The following PHACTR2 variants were observed in gnomAD, a reference collection of about 807,000 sequenced individuals.
PHACTR2 encodes phosphatase and actin regulator 2.
PHACTR2 carries 30 observed loss-of-function variants against 76.0 expected under a neutral mutation model. The ratio of observed to expected loss-of-function variants is 0.39; its 90% CI spans 0.30 to 0.54. The LOEUF (loss-of-function observed/expected upper bound fraction) is 0.54. Ranked by LOEUF, PHACTR2 falls within the 20% of genes least tolerant of loss-of-function variation. The pLI is 0.61. For missense variants in PHACTR2, 696 were observed against 781.1 expected (o/e 0.89, Z 1.30); for synonymous variants, 292 against 292.5 (o/e 1.00, Z 0.02).
At chr6:143,691,051 T>G (rs992500415) in intron 1 of PHACTR2, among the ~76,000 whole-genome samples, 2 of 152,176 alleles carry the variant, frequency 1.3e-5, no homozygotes, top group Non-Finnish European at 2.9e-5. Flanking sequence ...GGTCCCATAT[T>G]ATAGGTCAGC....
At chr6:143,788,625 T>A (rs1000479482) in intron 10 of PHACTR2, 148 bp from the exon 11 acceptor site, 5 of 519,120 alleles carry the variant, frequency 9.6e-6, no homozygotes, top group Non-Finnish European at 1.6e-5. Flanking sequence ...CATTAGAAAT[T>A]CCCAAGATGC....
At chr6:143,745,343 G>A (rs752600945) in intron 2 of PHACTR2, among the ~76,000 whole-genome samples, 1 of 152,212 alleles carries the variant, frequency 6.6e-6, no homozygotes, top group Admixed American at 6.5e-5. Flanking sequence ...AGAAGTTACA[G>A]GGAGTGCGAT....
In PHACTR2 at chr6:143,709,981, TG is replaced by T. The variant is rs1778137144; in HGVS notation, c.47-2034del. On this transcript the variant is annotated intron_variant, in intron 1 of 12. Coordinates refer to ENST00000440869, the MANE Select transcript of PHACTR2 (RefSeq NM_001100164.2). This position sits in a 1 kb window ranked among gnomAD's most constrained non-coding sequence, Gnocchi z 4.4. The stretch of plus-strand genomic sequence containing the variant: ...ATTAGGGGTCCTTTTCAGAGCCTCA[TG>T]AGGGTGGAAATCTAGTAACTCCATT... Among the ~76,000 whole-genome samples the T allele has an allele frequency of 1.3e-5, 2 of 152,112 alleles. No individual in the cohort carries two copies. The highest frequency in any genetic ancestry group is 2.9e-5 in the Non-Finnish European group (2 of 68,018).
At chr6:143,725,198 CTTTTTT>C (rs59963214) in intron 2 of PHACTR2, among the ~76,000 whole-genome samples, 7 of 61,800 alleles carry the variant, frequency 1.1e-4, no homozygotes, top group Admixed American at 8.3e-4. Flanking sequence ...TTTGTGCTGT[CTTTTTT>C]TTTTTTTTTT....
chr6:143,725,487 A>C (rs1400412927), intron 2 of PHACTR2, among the ~76,000 whole-genome samples: 1 of 78,524 alleles, frequency 1.3e-5, no homozygotes, highest in African/African-American at 7.4e-5. Flanking sequence ...GGCGTGAGCC[A>C]CCGCGCCCGG....
intron 1 of PHACTR2, among the ~76,000 whole-genome samples, chr6:143,650,957 A>T (rs1223921082): frequency 6.6e-6 from 1 of 152,202 alleles, no homozygotes; most frequent in African/African-American, 2.4e-5. Context: ...AATATCCAGC[A>T]TCTATTAATA....
In PHACTR2 at chr6:143,809,127, G is replaced by T. The variant is rs1406728852; in HGVS notation, c.1922+1994G>T. 6.6e-6 allele frequency among the ~76,000 whole-genome samples: 1 copy of T among 152,138 alleles called. No individual in the cohort carries two copies. The highest frequency in any genetic ancestry group is 2.4e-5 in the African/African-American group (1 of 41,420). Reference sequence around the variant, plus strand: ...TTCTGCATAGTTTTCCTAGAAGTTGGAGTATCTGATAGCCTTATCTTCATT... The same window carrying T: ...TTCTGCATAGTTTTCCTAGAAGTTGTAGTATCTGATAGCCTTATCTTCATT... On this transcript the variant is annotated intron_variant, in intron 12 of 12. Coordinates refer to ENST00000440869, the MANE Select transcript of PHACTR2 (RefSeq NM_001100164.2). The surrounding 1 kb of genome is among the most constrained non-coding windows in gnomAD (Gnocchi z 4.2).
At position 143,750,088 on chromosome 6, in the gene PHACTR2, A is replaced by G. The variant is rs1262103436; in HGVS notation, c.295+1023A>G. Reference sequence around the variant, plus strand: ...TCAAAATGACATGCTTTTTTCCAGCATCTGAATAATTCCAGAGTGGAGCTG... The same window carrying G: ...TCAAAATGACATGCTTTTTTCCAGCGTCTGAATAATTCCAGAGTGGAGCTG... On this transcript the variant is annotated intron_variant, in intron 3 of 12. Transcript: ENST00000440869. This position sits in a 1 kb window ranked among gnomAD's most constrained non-coding sequence, Gnocchi z 4.6. Among the ~76,000 whole-genome samples, 4 of 152,168 alleles carry G rather than the reference A, an allele frequency of 2.6e-5. No homozygotes were observed. The highest frequency in any genetic ancestry group is 4.4e-5 in the Non-Finnish European group (3 of 68,020).
intron 1 of PHACTR2, among the ~76,000 whole-genome samples, chr6:143,640,939 G>A (rs1023924312): frequency 6.6e-6 from 1 of 152,188 alleles, no homozygotes; most frequent in African/African-American, 2.4e-5. Flanking sequence ...TAGACACACA[G>A]AAGAGAAGGC....
In PHACTR2 at chr6:143,648,546, C is replaced by T. The variant is rs9376774; in HGVS notation, c.13+40224C>T. Among the ~76,000 whole-genome samples, 64,706 of 151,840 alleles carry T rather than the reference C, an allele frequency of 0.43. 13,899 individuals are homozygous for T. The highest frequency in any genetic ancestry group is 0.55 in the South Asian group (2,643 of 4,796). On this transcript the variant is annotated intron_variant, in intron 1 of 11. Coordinates refer to the PHACTR2 transcript ENST00000305766. The surrounding 1 kb of genome is among the most constrained non-coding windows in gnomAD (Gnocchi z 6.7). Reference sequence around the variant, plus strand: ...GGTTGAGTCAGGTAAGACAGAGAAGCTTGCTAAGGTGGAGTGGAAGGAAAT... The same window carrying T: ...GGTTGAGTCAGGTAAGACAGAGAAGTTTGCTAAGGTGGAGTGGAAGGAAAT...
At chr6:143,572,165 T>C (rs181476699) in intron 1 of PHACTR2, among the ~76,000 whole-genome samples, 1 of 152,356 alleles carries the variant, frequency 6.6e-6, no homozygotes, top group African/African-American at 2.4e-5. Flanking sequence ...GACTTTGTTT[T>C]TTGCTAAGAA....
chr6:143,639,720 CACA>C lies in PHACTR2; in HGVS notation c.13+31403_13+31405del, dbSNP rs912407665. On this transcript the variant is annotated intron_variant, in intron 1 of 11. Coordinates refer to the PHACTR2 transcript ENST00000305766. The surrounding 1 kb of genome is among the most constrained non-coding windows in gnomAD (Gnocchi z 5.0). Reference sequence around the variant, plus strand: ...GATGTAATTGATCAAGAACTCTGCACACAACAAGTAGATATTCATTCCTCTTAG... The same window carrying C: ...GATGTAATTGATCAAGAACTCTGCACACAAGTAGATATTCATTCCTCTTAG... Among the ~76,000 whole-genome samples, 61 of 152,232 alleles carry C rather than the reference CACA, an allele frequency of 4.0e-4. No homozygotes were observed. Among genetic ancestry groups the C allele is most frequent in the African/African-American group, 1.4e-3 (58 of 41,514 alleles).
rs1341263360 is a variant in PHACTR2 at position 143,659,815 on chromosome 6, A to G, written c.13+51493A>G. 6.6e-6 allele frequency among the ~76,000 whole-genome samples: 1 copy of G among 152,222 alleles called. No homozygotes were observed. Among genetic ancestry groups the G allele is most frequent in the African/African-American group, 2.4e-5 (1 of 41,454 alleles). On this transcript the variant is annotated intron_variant, in intron 1 of 11. Transcript: ENST00000305766. This position sits in a 1 kb window ranked among gnomAD's most constrained non-coding sequence, Gnocchi z 5.0. ...ACTAGAACTCCCTTCCAGTTTGTTC[A>G]TCCATACACAGTGATTTGTCAGGTA...
chr6:143,601,870 G>A (rs1466623409), intron 1 of PHACTR2, among the ~76,000 whole-genome samples: 3 of 152,058 alleles, frequency 2.0e-5, no homozygotes, highest in Non-Finnish European at 4.4e-5. Context: ...TTGTTTGCTT[G>A]TTTGTGGTTT....
intron 1 of PHACTR2, among the ~76,000 whole-genome samples, chr6:143,559,573 A>G (rs1388918328): frequency 6.6e-6 from 1 of 152,140 alleles, no homozygotes; most frequent in Non-Finnish European, 1.5e-5. Flanking sequence ...ATGAGCATGT[A>G]AGATAACCCC....
chr6:143,712,880 G>C (rs1323358345), intron 2 of PHACTR2, among the ~76,000 whole-genome samples: 2 of 152,200 alleles, frequency 1.3e-5, no homozygotes, highest in Non-Finnish European at 2.9e-5. Context: ...ACATTGCTTA[G>C]TGCCTTTCAT....
chr6:143,657,738 T>C (rs1227068838), intron 1 of PHACTR2, among the ~76,000 whole-genome samples: 1 of 152,160 alleles, frequency 6.6e-6, no homozygotes, highest in Non-Finnish European at 1.5e-5. Flanking sequence ...TGGCGTGAGA[T>C]TGTCTGTCAG....
rs143762467 is a variant in PHACTR2 at position 143,798,496 on chromosome 6, T to G, written c.1846-8561T>G. Among the ~76,000 whole-genome samples, 52 of 152,320 alleles carry G rather than the reference T, an allele frequency of 3.4e-4. No homozygotes were observed. In the East Asian group the frequency reaches 9.6e-3, roughly 28 times the overall value. The stretch of plus-strand genomic sequence containing the variant: ...TGTGCCGGTTTTCAAAGGGAATGCT[T>G]CCAGTGTTTGTCCATTCAGTATGAT... On this transcript the variant is annotated intron_variant, in intron 11 of 12. Coordinates refer to ENST00000440869, the MANE Select transcript of PHACTR2 (RefSeq NM_001100164.2).
chr6:143,769,303 C>T lies in PHACTR2; in HGVS notation c.1233-2955C>T, dbSNP rs964962207. On this transcript the variant is annotated intron_variant, in intron 6 of 12. Transcript: ENST00000440869. Reference sequence around the variant, plus strand: ...ATCCAAAAGGCTACTTTGTACAGTTCATTTTCACAAACATGTATAGAATGC... The same window carrying T: ...ATCCAAAAGGCTACTTTGTACAGTTTATTTTCACAAACATGTATAGAATGC... 3.3e-5 allele frequency among the ~76,000 whole-genome samples: 5 copies of T among 152,240 alleles called. No individual in the cohort carries two copies. In the South Asian group the frequency reaches 1.0e-3, roughly 32 times the overall value.
Sources: allele counts gnomAD v4.1 joint callset (sites outside exome capture counted in the v4.1 genomes callset), GRCh38; gene constraint gnomAD v4.1.1; non-coding constraint Gnocchi (gnomAD v3.1); transcripts MANE v1.5; gene names NCBI Gene and HGNC (gene_info 2026-07-23, HGNC 2026-07-21).